The following MAST4 variants were observed in gnomAD, a reference collection of about 807,000 sequenced individuals.
The protein encoded by MAST4 is microtubule-associated serine/threonine-protein kinase 4.
A neutral mutation model predicts 162.7 loss-of-function variants in MAST4; 89 were observed. That is an observed-to-expected ratio of 0.55 (90% confidence interval 0.46 to 0.65). The LOEUF (loss-of-function observed/expected upper bound fraction) is 0.65. Among genes scored for constraint, MAST4 ranks in the 30% least tolerant of loss-of-function variants. The probability of loss-of-function intolerance (pLI) is 0.00; values close to 1 mark genes in which losing one functional copy is unlikely to be tolerated. For synonymous variants in MAST4, 1,479 were observed against 1,361.1 expected, an observed-to-expected ratio of 1.09 and a Z score of -1.91; for missense variants, 3,153 against 3,374.0, an observed-to-expected ratio of 0.93 and a Z score of 1.62.
chr5:66,743,145 A>G (rs757382246), intron 1 of MAST4, among the ~76,000 whole-genome samples: 1 of 152,204 alleles, frequency 6.6e-6, no homozygotes, highest in African/African-American at 2.4e-5. Context: ...CTCATATGAT[A>G]GAGCAGCCCT....
chr5:67,095,738 A>G, intron 7 of MAST4, 63 bp downstream of exon 7: 1 of 1,257,564 alleles, frequency 8.0e-7, no homozygotes, highest in Non-Finnish European at 1.1e-6. Context: ...TTACACAGGC[A>G]GTGTTTTCTC....
chr5:67,160,608 A>G lies in MAST4; in HGVS notation c.3785+16A>G, dbSNP rs1265356448. ...GTCTCGAAAGGTTAGTAAAATCAGT[A>G]TTCTTTTTAAGTTTGGTGTATACCT... On this transcript the variant is annotated intron_variant, in intron 27 of 28. Coordinates refer to ENST00000403625, the MANE Select transcript of MAST4 (RefSeq NM_001164664.2). 2 of 1,611,748 alleles carry G rather than the reference A, an allele frequency of 1.2e-6. No individual in the cohort carries two copies. The highest frequency in any genetic ancestry group is 1.7e-6 in the Non-Finnish European group (2 of 1,179,110).
intron 1 of MAST4, among the ~76,000 whole-genome samples, chr5:66,604,142 A>G (rs1742729374): frequency 6.6e-6 from 1 of 152,210 alleles, no homozygotes; most frequent in Admixed American, 6.5e-5. Context: ...TCCTTGGTAC[A>G]GACACATACT....
intron 1 of MAST4, among the ~76,000 whole-genome samples, chr5:66,697,982 T>C (rs150736553): frequency 6.6e-6 from 1 of 152,144 alleles, no homozygotes; most frequent in Non-Finnish European, 1.5e-5. Context: ...CAACATTCCA[T>C]GACCTAACCA....
chr5:66,819,919 A>C (rs528027487), intron 3 of MAST4, among the ~76,000 whole-genome samples: 10 of 151,494 alleles, frequency 6.6e-5, no homozygotes, highest in African/African-American at 1.9e-4. Flanking sequence ...GACTACAGGC[A>C]CACAGCACCA....
intron 1 of MAST4, among the ~76,000 whole-genome samples, chr5:66,718,185 CTT>C (rs375291098): frequency 0.018 from 2,229 of 121,984 alleles, 42 homozygotes; most frequent in African/African-American, 0.061. Flanking sequence ...TTTTTTTTTT[CTT>C]TTTTTTTTGC....
At chr5:66,992,315 A>T (rs1278262684) in intron 4 of MAST4, among the ~76,000 whole-genome samples, 1 of 152,210 alleles carries the variant, frequency 6.6e-6, no homozygotes, top group Non-Finnish European at 1.5e-5. Flanking sequence ...TAGTGTCTAT[A>T]TCAAGAACTG....
intron 4 of MAST4, chr5:66,963,669 A>C (rs774212056): frequency 2.6e-6 from 2 of 779,142 alleles, no homozygotes; most frequent in Non-Finnish European, 4.8e-6. Context: ...TACTGCAATC[A>C]ATTCTCCCAC....
rs555803407 is a variant in MAST4, at chr5:66,883,389, A to T, written c.643-16562A>T. 2.0e-5 allele frequency among the ~76,000 whole-genome samples: 3 copies of T among 149,834 alleles called. No individual in the cohort carries two copies. The South Asian group carries it at 6.4e-4, about 32-fold the overall frequency. On this transcript the variant is annotated intron_variant, in intron 3 of 28. Transcript: ENST00000403625. Reference sequence around the variant, plus strand: ...GAACAAAGATAAGCCTTGGCCATTGATAAATAGGGCACAGTTGTGTTGTTC... The same window carrying T: ...GAACAAAGATAAGCCTTGGCCATTGTTAAATAGGGCACAGTTGTGTTGTTC...
rs752817626 is a variant in MAST4 at position 67,121,068 on chromosome 5, G to C, written c.1711G>C (p.Glu571Gln). 1 of 1,610,768 alleles carries C rather than the reference G, an allele frequency of 6.2e-7. No homozygotes were observed. The highest frequency in any genetic ancestry group is 1.1e-5 in the South Asian group (1 of 90,060). Residue 571 changes from glutamate (E) to glutamine (Q), a missense_variant, in exon 14 of 29, where the codon GAA becomes CAA. Physicochemically the swap from Glu to Gln is conservative, Grantham distance 29 (BLOSUM62 2). Coordinates refer to ENST00000403625, the MANE Select transcript of MAST4 (RefSeq NM_001164664.2). ...AAGGAAACCTCGGGAAAGTGATTTTGAAACGATTAAATTGATTAGCAATGG... is the reference window on the plus strand; with the variant it reads ...AAGGAAACCTCGGGAAAGTGATTTTCAAACGATTAAATTGATTAGCAATGG... ...LRRKPRESDFETIKLISNGAY... is the reference protein window; with the variant it reads ...LRRKPRESDFQTIKLISNGAY...
chr5:66,724,674 C>T (rs1475441857), intron 1 of MAST4, among the ~76,000 whole-genome samples: 1 of 152,108 alleles, frequency 6.6e-6, no homozygotes, highest in African/African-American at 2.4e-5. Context: ...GGCTACAAAC[C>T]TGTATAGCTT....
rs2151034390 is a variant in MAST4, at chr5:67,142,240, A to G, written c.2617+3A>G. On this transcript the variant is annotated splice_donor_region_variant and intron_variant, in intron 20 of 28. Coordinates refer to ENST00000403625, the MANE Select transcript of MAST4 (RefSeq NM_001164664.2). ...GGATGACACAAGTTATTTTGATAGT[A>G]TGTGCTTTATCTGACATAAAACATT... is the stretch of plus-strand genomic sequence containing the variant. 6.2e-7 allele frequency: 1 copy of G among 1,613,574 alleles called. No individual in the cohort carries two copies. Among genetic ancestry groups the G allele is most frequent in the Non-Finnish European group, 8.5e-7 (1 of 1,179,742 alleles).
Position 66,971,726 on chromosome 5 carries a change from ATTTAC to A in MAST4, c.674+71748_674+71752del, listed in dbSNP as rs2150201236. On this transcript the variant is annotated intron_variant, in intron 4 of 28. Coordinates refer to ENST00000403625, the MANE Select transcript of MAST4 (RefSeq NM_001164664.2). Reference sequence around the variant, plus strand: ...GTAGATCTTCTTGAGGTGAATAAAAATTTACTTTGCTGTGTGTGGGTGCATGTGTA... The same window carrying A: ...GTAGATCTTCTTGAGGTGAATAAAAATTTGCTGTGTGTGGGTGCATGTGTA... Among the ~76,000 whole-genome samples the A allele has an allele frequency of 1.3e-5, 2 of 152,250 alleles. 1 individual carries two copies. Among genetic ancestry groups the A allele is most frequent in the African/African-American group, 4.8e-5 (2 of 41,534 alleles).
At chr5:66,780,171 T>TTCATCATCCCAAAC (rs1477866805) in intron 2 of MAST4, among the ~76,000 whole-genome samples, 3 of 152,168 alleles carry the variant, frequency 2.0e-5, no homozygotes, top group Non-Finnish European at 2.9e-5. Context: ...CCAGAACATT[T>TTCATCATCCCAAAC]TCATCATCCC....
chr5:66,809,830 G>A lies in MAST4; in HGVS notation c.642+21036G>A, dbSNP rs574661994. Among the ~76,000 whole-genome samples, 147 of 152,274 alleles carry A rather than the reference G, an allele frequency of 9.7e-4. No homozygotes were observed. In the South Asian group the frequency reaches 0.01, roughly 11 times the overall value. ...GACTCACTGCAACCTCCAACTCCCT[G>A]GTTCAAGTGATTGTCCTGCCTCAGC... On this transcript the variant is annotated intron_variant, in intron 3 of 28. Transcript: ENST00000403625.
At chr5:66,866,803 T>G (rs1760557115) in intron 3 of MAST4, among the ~76,000 whole-genome samples, 1 of 152,222 alleles carries the variant, frequency 6.6e-6, no homozygotes, top group Admixed American at 6.5e-5. Context: ...CAGGCTGGAG[T>G]GCGGTGCGTG....
At chr5:66,855,760 A>T (rs116829271) in intron 3 of MAST4, among the ~76,000 whole-genome samples, 20 of 152,298 alleles carry the variant, frequency 1.3e-4, no homozygotes, top group African/African-American at 4.6e-4. Context: ...TCATTGGTTG[A>T]TGGTTGTTCT....
chr5:66,648,071 TGTGTGTGTGTGTGA>T (rs1232687049), intron 1 of MAST4, among the ~76,000 whole-genome samples: 332 of 90,018 alleles, frequency 3.7e-3, no homozygotes, highest in Non-Finnish European at 4.8e-3. Flanking sequence ...TGTGTGTGTG[TGTGTGTGTGTGTGA>T]GAGAGAGAGA....
chr5:66,992,284 C>T (rs940127109), intron 4 of MAST4, among the ~76,000 whole-genome samples: 4 of 152,074 alleles, frequency 2.6e-5, no homozygotes, highest in Non-Finnish European at 5.9e-5. Context: ...CTCTTGATAA[C>T]TATGAGGAAA....
Sources: allele counts gnomAD v4.1 joint callset (sites outside exome capture counted in the v4.1 genomes callset), GRCh38; gene constraint gnomAD v4.1.1; transcripts MANE v1.5; gene names NCBI Gene and HGNC (gene_info 2026-07-23, HGNC 2026-07-21).